Variants in ESRRG observed in about 807,000 individuals in gnomAD.
ESRRG encodes estrogen related receptor gamma, also known as estrogen-related receptor gamma.
ESRRG carries 13 observed loss-of-function variants against 44.0 expected under a neutral mutation model. The observed-to-expected ratio is 0.30, with a 90% CI of 0.19 to 0.47. The LOEUF is 0.47. Ranked by LOEUF, ESRRG falls within the 20% of genes least tolerant of loss-of-function variation. The pLI is 1.00. For missense variants in ESRRG, 395 were observed against 580.6 expected, an observed-to-expected ratio of 0.68 and a Z score of 3.29; for synonymous variants, 215 against 214.6, an observed-to-expected ratio of 1.00 and a Z score of -0.02.
At chr1:216,877,393 G>GT (rs2096373877) in intron 2 of ESRRG, among the ~76,000 whole-genome samples, 1 of 141,148 alleles carries the variant, frequency 7.1e-6, no homozygotes, top group Non-Finnish European at 1.5e-5. Flanking sequence ...TTTTTTGTTT[G>GT]TTTGTTTGTT....
intron 3 of ESRRG, among the ~76,000 whole-genome samples, chr1:216,626,280 T>G (rs1231627164): frequency 3.3e-5 from 5 of 152,214 alleles, no homozygotes; most frequent in African/African-American, 4.8e-5. Flanking sequence ...CTTCATCTCC[T>G]TTAAATTCCT....
chr1:216,912,181 A>AGGAGAGGAGAGG (rs2060486532), intron 2 of ESRRG, among the ~76,000 whole-genome samples: 1 of 15,972 alleles, frequency 6.3e-5, no homozygotes, highest in Non-Finnish European at 1.1e-4. Flanking sequence ...AAAAGAAAAG[A>AGGAGAGGAGAGG]AAAGGAGAGG....
At chr1:217,087,448 T>C (rs2151537160) in intron 1 of ESRRG, among the ~76,000 whole-genome samples, 1 of 152,334 alleles carries the variant, frequency 6.6e-6, no homozygotes. Context: ...AACCTTTTAA[T>C]TTCTGGAAAA....
At chr1:216,861,274 A>G (rs1228037302) in intron 2 of ESRRG, among the ~76,000 whole-genome samples, 9 of 152,058 alleles carry the variant, frequency 5.9e-5, no homozygotes, top group Admixed American at 5.9e-4. Flanking sequence ...AAAGTGGTTT[A>G]AATATTCTAA....
intron 2 of ESRRG, among the ~76,000 whole-genome samples, chr1:216,833,995 T>C (rs2095525921): frequency 6.6e-6 from 1 of 152,210 alleles, no homozygotes; most frequent in African/African-American, 2.4e-5. Context: ...TGCACAGTTA[T>C]CACGGGGACA....
At chr1:217,027,742 G>T (rs2081440302) in intron 1 of ESRRG, among the ~76,000 whole-genome samples, 1 of 152,046 alleles carries the variant, frequency 6.6e-6, no homozygotes, top group Non-Finnish European at 1.5e-5. Flanking sequence ...GTAAAGCTTG[G>T]GTTCCTAGTT....
chr1:216,946,931 C>T (rs112688179), intron 1 of ESRRG, among the ~76,000 whole-genome samples: 2,644 of 152,152 alleles, frequency 0.017, 77 homozygotes, highest in African/African-American at 0.06. Flanking sequence ...AACTCCTGAC[C>T]TCAAGTGATC....
chr1:216,919,302 T>G (rs1370481228), intron 2 of ESRRG, among the ~76,000 whole-genome samples: 2 of 152,176 alleles, frequency 1.3e-5, no homozygotes, highest in Non-Finnish European at 2.9e-5. Context: ...TTTCCCTTCA[T>G]AGAGAAAATG....
chr1:217,053,133 T>TAAAAAAAAAAAAAA (rs71303007), intron 1 of ESRRG, among the ~76,000 whole-genome samples: 32 of 119,016 alleles, frequency 2.7e-4, no homozygotes, highest in African/African-American at 4.0e-4. Flanking sequence ...AATCCCATCT[T>TAAAAAAAAAAAAAA]AAAAAAAAAA....
chr1:216,550,674 C>T (rs4456155), intron 5 of ESRRG, among the ~76,000 whole-genome samples: 5,715 of 152,144 alleles, frequency 0.038, 343 homozygotes, highest in African/African-American at 0.13. Flanking sequence ...GTAACACAAC[C>T]TTAACAATCT....
chr1:217,050,010 A>G (rs1176647716), intron 1 of ESRRG, among the ~76,000 whole-genome samples: 1 of 152,238 alleles, frequency 6.6e-6, no homozygotes, highest in East Asian at 1.9e-4. Flanking sequence ...ACACTTCACA[A>G]CAGAAGATTT....
chr1:216,648,225 A>G (rs530134336), intron 3 of ESRRG, among the ~76,000 whole-genome samples: 2 of 152,282 alleles, frequency 1.3e-5, no homozygotes, highest in East Asian at 3.9e-4. Flanking sequence ...GCAGGGTACA[A>G]TGCAATATTT....
intron 2 of ESRRG, among the ~76,000 whole-genome samples, chr1:216,881,420 A>G (rs181238752): frequency 3.9e-5 from 6 of 152,262 alleles, no homozygotes; most frequent in African/African-American, 1.4e-4. Context: ...TCCTGTGCCC[A>G]TGAATTGCCA....
intron 1 of ESRRG, among the ~76,000 whole-genome samples, chr1:217,102,879 T>A (rs1317976049): frequency 1.3e-5 from 2 of 151,606 alleles, no homozygotes; most frequent in Non-Finnish European, 2.9e-5. Context: ...GTGGGAAGAA[T>A]GGGTCAAAGA....
chr1:217,070,190 C>A (rs2090376707), intron 1 of ESRRG, among the ~76,000 whole-genome samples: 1 of 152,126 alleles, frequency 6.6e-6, no homozygotes, highest in Non-Finnish European at 1.5e-5. Flanking sequence ...AACTCAGTTT[C>A]TTCATCTGTA....
chr1:216,901,706 T>C (rs900641099), intron 2 of ESRRG, among the ~76,000 whole-genome samples: 2 of 152,114 alleles, frequency 1.3e-5, no homozygotes, highest in African/African-American at 4.8e-5. Context: ...GCATTCTCTT[T>C]GGCACTACAG....
intron 2 of ESRRG, among the ~76,000 whole-genome samples, chr1:216,746,382 T>G (rs1475410670): frequency 6.6e-6 from 1 of 152,140 alleles, no homozygotes; most frequent in East Asian, 1.9e-4. Flanking sequence ...AATAAAATAT[T>G]CATATTTACA....
rs2040889967 is a variant in ESRRG at position 216,504,602 on chromosome 1, A to AAC, written c.*2335_*2336dup. On this transcript the variant is annotated 3_prime_UTR_variant, in exon 7 of 7. Transcript: ENST00000408911. The stretch of plus-strand genomic sequence containing the variant: ...CACACAAAGTAGCAATAGTTTTGGA[A>AAC]ACGAATCTGCACCAAAAAGTTTTGC... 6.6e-6 allele frequency: 1 copy of AAC among 152,604 alleles called. No homozygotes were observed. Among genetic ancestry groups the AAC allele is most frequent in the Non-Finnish European group, 1.5e-5 (1 of 68,012 alleles). 9.5% of individuals were successfully genotyped at this position (152,604 alleles called of 1,614,324 possible). A position where few individuals can be genotyped will look rare whatever the true frequency, so the allele number is the denominator to read the frequency against.
chr1:216,807,029 A>G (rs1358037875), intron 2 of ESRRG, among the ~76,000 whole-genome samples: 1 of 152,156 alleles, frequency 6.6e-6, no homozygotes, highest in Non-Finnish European at 1.5e-5. Context: ...TTCTTGATTA[A>G]GGAACCAATT....
Sources: gnomAD v4.1 joint callset for allele counts (sites outside exome capture counted in the v4.1 genomes callset) on GRCh38, gnomAD v4.1.1 for gene constraint, MANE v1.5 for transcripts, NCBI Gene and HGNC (gene_info 2026-07-23, HGNC 2026-07-21) for gene names.